Variants in DNAI7 observed in about 807,000 individuals in gnomAD.
The protein encoded by DNAI7 is dynein axonemal intermediate chain 7.
DNAI7 carries 78 observed loss-of-function variants against 86.6 expected under a neutral mutation model. That is an observed-to-expected ratio of 0.90 (90% CI 0.75 to 1.09). The LOEUF (loss-of-function observed/expected upper bound fraction) is 1.09. DNAI7 is among the 50% of genes least tolerant of loss of function. DNAI7 has a pLI of 0.00. For missense variants in DNAI7, 753 were observed against 810.2 expected, an observed-to-expected ratio of 0.93 and a Z score of 0.86; for synonymous variants, 274 against 273.0, an observed-to-expected ratio of 1.00 and a Z score of -0.04.
intron 9 of DNAI7, among the ~76,000 whole-genome samples, chr12:25,136,750 T>C (rs979732074): frequency 6.6e-6 from 1 of 151,644 alleles, no homozygotes; most frequent in Non-Finnish European, 1.5e-5. Flanking sequence ...AAGACACACT[T>C]AGAGAAATGC....
At chr12:25,146,949 G>A (rs557939387) in intron 8 of DNAI7, 52 bp downstream of exon 8, 2 of 917,064 alleles carry the variant, frequency 2.2e-6, no homozygotes, top group Non-Finnish European at 3.6e-6. Context: ...ATCATGATGT[G>A]GCTCAATGTC....
chr12:25,137,410 A>C (rs1943671437), intron 9 of DNAI7, among the ~76,000 whole-genome samples: 1 of 152,206 alleles, frequency 6.6e-6, no homozygotes, highest in African/African-American at 2.4e-5. Flanking sequence ...ACCTCAAAAT[A>C]TACCAAAACA....
intron 5 of DNAI7, 87 bp downstream of exon 5, chr12:25,155,224 T>C: frequency 1.7e-6 from 1 of 598,938 alleles, no homozygotes; most frequent in South Asian, 2.7e-5. Flanking sequence ...CAGAAAAATT[T>C]AGTTTCTTTT....
chr12:25,173,802 ACAC>A lies in DNAI7; in HGVS notation c.22-12608_22-12606del, dbSNP rs1433158551. 2.6e-5 allele frequency among the ~76,000 whole-genome samples: 4 copies of A among 150,944 alleles called. No homozygotes were observed. The East Asian group carries it at 7.7e-4, about 29-fold the overall frequency. ...ATATACACACATCATATATATACAC[ACAC>A]ATCATATATATACATCATATATATA... On this transcript the variant is annotated intron_variant, in intron 2 of 15. Coordinates refer to ENST00000395987, the MANE Select transcript of DNAI7 (RefSeq NM_018272.5).
chr12:25,115,430 C>T (rs375365208), intron 12 of DNAI7, among the ~76,000 whole-genome samples: 2 of 152,202 alleles, frequency 1.3e-5, no homozygotes, highest in African/African-American at 4.8e-5. Context: ...CCTCCAGCCC[C>T]AGGCAACGAT....
chr12:25,115,600 G>C (rs958645178), intron 12 of DNAI7, among the ~76,000 whole-genome samples: 2 of 152,096 alleles, frequency 1.3e-5, no homozygotes, highest in African/African-American at 4.8e-5. Flanking sequence ...TTAGTAATTA[G>C]GGAAATAAAT....
At chr12:25,136,788 G>T (rs1943606658) in intron 9 of DNAI7, among the ~76,000 whole-genome samples, 1 of 152,066 alleles carries the variant, frequency 6.6e-6, no homozygotes, top group Non-Finnish European at 1.5e-5. Context: ...TTTCAACAAT[G>T]GACCTAAACA....
Position 25,123,280 on chromosome 12 carries a change from C to A in DNAI7, c.1009G>T (p.Ala337Ser). ...QGDIEVKMSSAEEESEAIKCE... is the reference protein window; with the variant it reads ...QGDIEVKMSSSEEESEAIKCE... ...TTTATGGCTTCAGATTCTTCCTCAG[C>A]AGAACTCTATAAAAAACCACAGACA... The change falls in exon 10 of 16, where the codon GCT becomes TCT. Residue 337 changes from alanine to serine, a missense_variant. Ala to Ser is a moderately conservative substitution (Grantham distance 99, BLOSUM62 1). Coordinates refer to ENST00000395987, the MANE Select transcript of DNAI7 (RefSeq NM_018272.5). The A allele has an allele frequency of 6.2e-7, 1 of 1,604,440 alleles. No homozygotes were observed. Among genetic ancestry groups the A allele is most frequent in the Non-Finnish European group, 8.5e-7 (1 of 1,175,756 alleles).
rs1406862306 is a variant in DNAI7, at chr12:25,158,453, A to T, written c.198+19T>A. ...CATAGTTTAAGTATTCATTAAGAAC[A>T]TTATTAATGTTTATTTACTTTTGCT... On this transcript the variant is annotated intron_variant, in intron 4 of 15. Transcript: ENST00000395987. The T allele has an allele frequency of 6.4e-7, 1 of 1,574,140 alleles. No individual in the cohort carries two copies. The highest frequency in any genetic ancestry group is 8.7e-7 in the Non-Finnish European group (1 of 1,146,396).
At chr12:25,191,126 C>T (rs1244729133) in intron 1 of DNAI7, among the ~76,000 whole-genome samples, 3 of 152,132 alleles carry the variant, frequency 2.0e-5, no homozygotes, top group South Asian at 2.1e-4. Flanking sequence ...ATTTAAAGCA[C>T]GCAAAGTAGC....
intron 2 of DNAI7, among the ~76,000 whole-genome samples, chr12:25,163,925 T>C (rs1020375962): frequency 2.6e-5 from 4 of 152,208 alleles, no homozygotes; most frequent in Non-Finnish European, 5.9e-5. Flanking sequence ...GTTTTATCCA[T>C]TGACCCAAAA....
At chr12:25,168,033 G>A (rs1050013884) in intron 2 of DNAI7, among the ~76,000 whole-genome samples, 4 of 152,088 alleles carry the variant, frequency 2.6e-5, no homozygotes, top group Admixed American at 6.6e-5. Flanking sequence ...GACACTCGAC[G>A]TTTTCTCACA....
At chr12:25,112,506 A>G (rs1236901586) in intron 13 of DNAI7, among the ~76,000 whole-genome samples, 1 of 143,432 alleles carries the variant, frequency 7.0e-6, no homozygotes, top group Non-Finnish European at 1.5e-5. Flanking sequence ...TCCCAGGTTC[A>G]CACCATTCTC....
intron 6 of DNAI7, among the ~76,000 whole-genome samples, chr12:25,152,659 T>G (rs1299839072): frequency 6.6e-6 from 1 of 152,216 alleles, no homozygotes; most frequent in Non-Finnish European, 1.5e-5. Flanking sequence ...TGTGGCTGAT[T>G]TATAACAGGC....
chr12:25,154,143 T>C (rs1384698710), intron 6 of DNAI7, among the ~76,000 whole-genome samples, 176 bp downstream of exon 6: 1 of 152,192 alleles, frequency 6.6e-6, no homozygotes, highest in Non-Finnish European at 1.5e-5. Context: ...TGGCAAGGAA[T>C]TCTTAGGACT....
downstream of DNAI7, chr12:25,107,708 C>A (rs1009351419): frequency 2.0e-6 from 2 of 989,926 alleles, no homozygotes; most frequent in Non-Finnish European, 3.0e-6. Context: ...GATTAAAAGG[C>A]AGTTTTGGGG....
At chr12:25,112,037 A>G in intron 13 of DNAI7, 98 bp from the exon 14 acceptor site, 1 of 683,476 alleles carries the variant, frequency 1.5e-6, no homozygotes, top group Non-Finnish European at 2.3e-6. Context: ...CATTTTTAAA[A>G]GTCATCTATC....
intron 2 of DNAI7, among the ~76,000 whole-genome samples, chr12:25,187,204 T>C (rs1212486633): frequency 6.6e-6 from 1 of 152,190 alleles, no homozygotes; most frequent in Non-Finnish European, 1.5e-5. Context: ...TTTCACTTTC[T>C]ACCTCACTGT....
At chr12:25,179,814 T>C (rs1298813386) in intron 2 of DNAI7, among the ~76,000 whole-genome samples, 1 of 151,228 alleles carries the variant, frequency 6.6e-6, no homozygotes, top group Non-Finnish European at 1.5e-5. Flanking sequence ...CATCTATGTA[T>C]GACAAACCCA....
Sources: allele counts gnomAD v4.1 joint callset (sites outside exome capture counted in the v4.1 genomes callset), GRCh38; gene constraint gnomAD v4.1.1; transcripts MANE v1.5; gene names NCBI Gene and HGNC (gene_info 2026-07-23, HGNC 2026-07-21).